CDK6: variants seen among roughly 807,000 people sequenced by gnomAD.
The protein encoded by CDK6 is cyclin dependent kinase 6.
CDK6 carries 6 observed loss-of-function variants against 37.1 expected under a neutral mutation model. The observed-to-expected ratio is 0.16, with a 90% confidence interval of 0.09 to 0.32. CDK6 has a LOEUF of 0.32. Ranked by LOEUF, CDK6 falls within the 10% of genes least tolerant of loss-of-function variation. The pLI is 1.00. For missense variants in CDK6, 224 were observed against 418.9 expected (o/e 0.53, Z 4.06); for synonymous variants, 160 against 161.3 (o/e 0.99, Z 0.06).
rs2116464778 is a variant in CDK6, at chr7:92,609,361, AG to A, written c.*5778del. The A allele has an allele frequency of 4.3e-6, 1 of 231,716 alleles. No individual in the cohort carries two copies. Among genetic ancestry groups the A allele is most frequent in the African/African-American group, 2.2e-5 (1 of 45,398 alleles). 14.4% of individuals were successfully genotyped at this position (231,716 alleles called of 1,614,324 possible). ...TTGTAAATTTAAAAAAAGTATATAA[AG>A]TTGCCAAAAAACTTCAAAAGTTAAG... On this transcript the variant is annotated 3_prime_UTR_variant, in exon 8 of 8. Transcript: ENST00000424848.
intron 2 of CDK6, among the ~76,000 whole-genome samples, chr7:92,797,309 G>C (rs1300499092): frequency 6.6e-6 from 1 of 152,168 alleles, no homozygotes; most frequent in East Asian, 1.9e-4. Flanking sequence ...CCACAGACAA[G>C]CATGCAAGGG....
intron 3 of CDK6, among the ~76,000 whole-genome samples, chr7:92,763,242 C>T (rs962799279): frequency 2.6e-5 from 4 of 152,198 alleles, no homozygotes; most frequent in Non-Finnish European, 4.4e-5. Context: ...CCTCAGAGTA[C>T]TAGGTTTAGC....
intron 2 of CDK6, among the ~76,000 whole-genome samples, chr7:92,810,642 A>G (rs1800854258): frequency 6.6e-6 from 1 of 152,278 alleles, no homozygotes; most frequent in African/African-American, 2.4e-5. Context: ...GCATTTTATT[A>G]GAAACATACA....
intron 2 of CDK6, among the ~76,000 whole-genome samples, chr7:92,805,312 C>T (rs145895355): frequency 2.4e-4 from 36 of 152,154 alleles, no homozygotes; most frequent in Admixed American, 2.2e-3. Flanking sequence ...AAAGCATCAG[C>T]TTGTGAGGTA....
intron 4 of CDK6, among the ~76,000 whole-genome samples, chr7:92,712,708 A>G (rs1417643678): frequency 6.6e-6 from 1 of 152,234 alleles, no homozygotes. Context: ...TAAATGGACT[A>G]TTCAATCTTG....
At chr7:92,645,463 T>G (rs1223467648) in intron 5 of CDK6, among the ~76,000 whole-genome samples, 1 of 152,254 alleles carries the variant, frequency 6.6e-6, no homozygotes, top group African/African-American at 2.4e-5. Flanking sequence ...GCAGTTTCTA[T>G]CTTGCTGAGT....
rs1368370933 is a variant in CDK6, at chr7:92,610,103, A to AT, written c.*5036dup. The AT allele has an allele frequency of 8.7e-6, 2 of 230,644 alleles. No individual in the cohort carries two copies. Among genetic ancestry groups the AT allele is most frequent in the East Asian group, 1.2e-4 (2 of 16,174 alleles). 14.3% of individuals were successfully genotyped at this position (230,644 alleles called of 1,614,324 possible). On this transcript the variant is annotated 3_prime_UTR_variant, in exon 8 of 8. Transcript: ENST00000424848. ...CTCTAAAAGTGCCACCTTGTGGAAT[A>AT]TACCGGAATAAAACAAGAAAGCTCA...
At chr7:92,658,358 A>C (rs1796753047) in intron 5 of CDK6, among the ~76,000 whole-genome samples, 1 of 152,068 alleles carries the variant, frequency 6.6e-6, no homozygotes, top group African/African-American at 2.4e-5. Flanking sequence ...TGACCAAAAA[A>C]CCCCTAAATG....
At chr7:92,796,510 C>T (rs1433940667) in intron 2 of CDK6, among the ~76,000 whole-genome samples, 1 of 152,096 alleles carries the variant, frequency 6.6e-6, no homozygotes, top group African/African-American at 2.4e-5. Context: ...ATTGTTTCTT[C>T]AGTCTTGGAT....
At chr7:92,779,046 C>T (rs982428425) in intron 2 of CDK6, among the ~76,000 whole-genome samples, 2 of 151,512 alleles carry the variant, frequency 1.3e-5, no homozygotes, top group African/African-American at 4.9e-5. Flanking sequence ...AAGTCATCTG[C>T]CCCCTGGACC....
intron 4 of CDK6, among the ~76,000 whole-genome samples, chr7:92,714,625 T>C (rs1291755799): frequency 6.6e-6 from 1 of 152,160 alleles, no homozygotes; most frequent in Non-Finnish European, 1.5e-5. Context: ...AAAATCTCCT[T>C]TTCTGACTAA....
At chr7:92,689,083 G>T (rs1797539365) in intron 4 of CDK6, among the ~76,000 whole-genome samples, 1 of 152,076 alleles carries the variant, frequency 6.6e-6, no homozygotes, top group Non-Finnish European at 1.5e-5. Context: ...CTACTTGGTG[G>T]CCAACACTCA....
intron 5 of CDK6, among the ~76,000 whole-genome samples, chr7:92,656,080 AG>A: frequency 6.6e-6 from 1 of 152,226 alleles, no homozygotes; most frequent in Middle Eastern, 3.4e-3. Context: ...TTAAAGTGGG[AG>A]GGAGAGAAGG....
chr7:92,759,197 A>G (rs62466073), intron 3 of CDK6, among the ~76,000 whole-genome samples: 2,905 of 152,160 alleles, frequency 0.019, 43 homozygotes, highest in Non-Finnish European at 0.025. Flanking sequence ...AAGAATAGAG[A>G]TCTCTGTTAT....
At chr7:92,746,955 C>T (rs1352265476) in intron 3 of CDK6, among the ~76,000 whole-genome samples, 1 of 151,976 alleles carries the variant, frequency 6.6e-6, no homozygotes, top group East Asian at 1.9e-4. Flanking sequence ...TAGAATCTAT[C>T]TTTTTCCTAT....
At chr7:92,665,512 A>G (rs932457588) in intron 5 of CDK6, among the ~76,000 whole-genome samples, 1 of 152,218 alleles carries the variant, frequency 6.6e-6, no homozygotes, top group Non-Finnish European at 1.5e-5. Flanking sequence ...CCCAGATAAC[A>G]GTGACAGATG....
chr7:92,798,098 T>A (rs1212474650), intron 2 of CDK6, among the ~76,000 whole-genome samples: 1 of 152,220 alleles, frequency 6.6e-6, no homozygotes, highest in East Asian at 1.9e-4. Context: ...TTGTCAACAC[T>A]GTTAGAGAAT....
chr7:92,699,761 G>A (rs1797800849), intron 4 of CDK6, among the ~76,000 whole-genome samples: 1 of 152,238 alleles, frequency 6.6e-6, no homozygotes, highest in Admixed American at 6.5e-5. Flanking sequence ...CAGCTGAGCA[G>A]AGGAGGCAGA....
At chr7:92,702,909 T>C (rs981858355) in intron 4 of CDK6, among the ~76,000 whole-genome samples, 2 of 152,160 alleles carry the variant, frequency 1.3e-5, no homozygotes, top group Non-Finnish European at 2.9e-5. Context: ...GTCCTGTGTA[T>C]TGTAGGATGT....
Sources: gnomAD v4.1 joint callset for allele counts (sites outside exome capture counted in the v4.1 genomes callset) on GRCh38, gnomAD v4.1.1 for gene constraint, MANE v1.5 for transcripts, NCBI Gene and HGNC (gene_info 2026-07-23, HGNC 2026-07-21) for gene names.